Variants in DAGLB observed in about 807,000 individuals in gnomAD.
The protein encoded by DAGLB is diacylglycerol lipase-beta.
In DAGLB, 66 loss-of-function variants were observed where a neutral mutation model predicts 72.1. That is an observed-to-expected ratio of 0.92 (90% CI 0.75 to 1.12). The LOEUF is 1.12. Among genes scored for constraint, DAGLB ranks in the 50% most tolerant of loss-of-function variants. The pLI is 0.00. For synonymous variants in DAGLB, 414 were observed against 359.5 expected (o/e 1.15, Z -1.71); for missense variants, 1,065 against 884.9 (o/e 1.20, Z -2.58).
Position 6,416,682 on chromosome 7 carries a change from C to T in DAGLB, c.1372G>A (p.Ala458Thr). ...AAALLATMLR[A>T]AYPQVRCYAF... Reference sequence around the variant, plus strand: ...TAGCACCTGACCTGCGGGTAGGCGGCTCTGAGCATGGTGGCCAGCAGGGCG... The same window carrying T: ...TAGCACCTGACCTGCGGGTAGGCGGTTCTGAGCATGGTGGCCAGCAGGGCG... The change falls in exon 11 of 15, where the codon GCC becomes ACC. Residue 458 changes from alanine (A) to threonine (T), a missense_variant. By Grantham distance (58) the Ala-to-Thr change is moderately conservative. Transcript: ENST00000297056. 1.2e-6 allele frequency: 2 copies of T among 1,613,802 alleles called. No homozygotes were observed. The highest frequency in any genetic ancestry group is 1.7e-6 in the Non-Finnish European group (2 of 1,179,894).
chr7:6,429,441 G>A (rs1458877304), intron 6 of DAGLB, among the ~76,000 whole-genome samples: 2 of 151,558 alleles, frequency 1.3e-5, no homozygotes, highest in South Asian at 2.1e-4. Context: ...GCATCATCCT[G>A]GATTGGAGAA....
intron 2 of DAGLB, among the ~76,000 whole-genome samples, chr7:6,440,645 C>T (rs770176572): frequency 1.3e-5 from 2 of 152,128 alleles, no homozygotes; most frequent in African/African-American, 2.4e-5. Flanking sequence ...GCCTGTAATC[C>T]CAACACTTTG....
At position 6,412,998 on chromosome 7, in the gene DAGLB, C is replaced by CA; in HGVS notation, c.1463dup (p.Ser489ValfsTer33). ...TCACATCCTTCCCCAGGACGAGTGACACGATGAAGCTCTGAGAATATTCCT... is the reference window on the plus strand; with the variant it reads ...TCACATCCTTCCCCAGGACGAGTGACAACGATGAAGCTCTGAGAATATTCCT... On this transcript the variant is annotated frameshift_variant, in exon 12 of 15. Coordinates refer to ENST00000297056, the MANE Select transcript of DAGLB (RefSeq NM_139179.4). LOFTEE classifies it high-confidence loss of function. 1.2e-6 allele frequency: 2 copies of CA among 1,613,940 alleles called. No homozygotes were observed. Among genetic ancestry groups the CA allele is most frequent in the African/African-American group, 1.3e-5 (1 of 75,050 alleles).
At chr7:6,414,034 G>A (rs1173058873) in intron 11 of DAGLB, among the ~76,000 whole-genome samples, 1 of 152,148 alleles carries the variant, frequency 6.6e-6, no homozygotes, top group Non-Finnish European at 1.5e-5. Context: ...TTTTTGAGAT[G>A]GAGTCTCGCT....
At chr7:6,436,678 A>C in intron 2 of DAGLB, 145 bp from the exon 3 acceptor site, 1 of 945,874 alleles carries the variant, frequency 1.1e-6, no homozygotes, top group South Asian at 1.6e-5. Context: ...ATTGGTAATC[A>C]GCACCTAAGT....
At chr7:6,422,293 C>T (rs1038458718) in intron 8 of DAGLB, 8 of 278,708 alleles carry the variant, frequency 2.9e-5, no homozygotes, top group African/African-American at 8.8e-5. Flanking sequence ...CAGCCAGACC[C>T]GAAGGAAGAG....
rs901676472 is a variant in DAGLB, at chr7:6,422,514, A to C, written c.1141-710T>G. 3 of 155,842 alleles carry C rather than the reference A, an allele frequency of 1.9e-5. No individual in the cohort carries two copies. In the South Asian group the frequency reaches 5.8e-4, roughly 30 times the overall value. 9.7% of individuals were successfully genotyped at this position (155,842 alleles called of 1,614,324 possible). On this transcript the variant is annotated intron_variant, in intron 8 of 14. Coordinates refer to ENST00000297056, the MANE Select transcript of DAGLB (RefSeq NM_139179.4). ...GCTGGGTAAAGCACCCAGAGCTGTG[A>C]TAAGAAACACAAACTTGATGTTAAA...
Position 6,447,945 on chromosome 7 carries a change from G to C in DAGLB, c.-103C>G, listed in dbSNP as rs575878490. On this transcript the variant is annotated 5_prime_UTR_variant, in exon 1 of 15. Transcript: ENST00000297056. ...CCGCCACCAAATTATCGGCGCTCAAGCGCAAACGCAGCGAGGGCGGGGACC... is the reference window on the plus strand; with the variant it reads ...CCGCCACCAAATTATCGGCGCTCAACCGCAAACGCAGCGAGGGCGGGGACC... 1.4e-6 allele frequency: 2 copies of C among 1,457,474 alleles called. No homozygotes were observed. Among genetic ancestry groups the C allele is most frequent in the Middle Eastern group, 1.8e-4 (1 of 5,580 alleles). 90.3% of individuals were successfully genotyped at this position (1,457,474 alleles called of 1,614,324 possible).
Position 6,434,971 on chromosome 7 carries a change from G to T in DAGLB, c.469C>A (p.Pro157Thr), listed in dbSNP as rs747733355. Reference sequence around the variant, plus strand: ...TATGGAGCCATTTTCCCCCCAAGAGGGTCAAAGACAATGATAATGGAAACC... The same window carrying T: ...TATGGAGCCATTTTCCCCCCAAGAGTGTCAAAGACAATGATAATGGAAACC... ...TVVSIIIVFDPLGGKMAPYSS... is the reference protein window; with the variant it reads ...TVVSIIIVFDTLGGKMAPYSS... The change falls in exon 4 of 15, where the codon CCT (proline) becomes ACT (threonine). Residue 157 changes from proline to threonine, a missense_variant. Transcript: ENST00000297056. 1.5e-5 allele frequency: 24 copies of T among 1,613,930 alleles called. 1 individual carries two copies. In the South Asian group the frequency reaches 2.2e-4, roughly 15 times the overall value.
chr7:6,423,856 G>C (rs1183139465), intron 8 of DAGLB, among the ~76,000 whole-genome samples: 2 of 152,112 alleles, frequency 1.3e-5, no homozygotes, highest in African/African-American at 4.8e-5. Flanking sequence ...CAAAGTGCTG[G>C]GATTACAGGC....
intron 2 of DAGLB, among the ~76,000 whole-genome samples, chr7:6,445,511 CTCTT>C (rs1784970618): frequency 6.6e-6 from 1 of 152,152 alleles, no homozygotes; most frequent in African/African-American, 2.4e-5. Flanking sequence ...GGTATGGGAT[CTCTT>C]TCTTTCCGTT....
At chr7:6,444,405 A>G (rs1032354611) in intron 2 of DAGLB, among the ~76,000 whole-genome samples, 2 of 152,086 alleles carry the variant, frequency 1.3e-5, no homozygotes, top group African/African-American at 4.8e-5. Flanking sequence ...AGATCGAGAC[A>G]AGCCTGACCA....
At chr7:6,426,594 C>T (rs1485634475) in intron 6 of DAGLB, among the ~76,000 whole-genome samples, 1 of 152,166 alleles carries the variant, frequency 6.6e-6, no homozygotes, top group Non-Finnish European at 1.5e-5. Context: ...AAAGATAATA[C>T]CTCTCTGTGT....
intron 5 of DAGLB, among the ~76,000 whole-genome samples, chr7:6,432,032 C>T (rs1784501394): frequency 6.6e-6 from 1 of 151,990 alleles, no homozygotes; most frequent in Non-Finnish European, 1.5e-5. Context: ...CTCATGTACC[C>T]CTGAACCTAA....
At chr7:6,414,961 G>C (rs922888732) in intron 11 of DAGLB, among the ~76,000 whole-genome samples, 2 of 152,070 alleles carry the variant, frequency 1.3e-5, no homozygotes, top group African/African-American at 4.8e-5. Context: ...TTGAGCCCAG[G>C]AGTTCAAGAC....
chr7:6,436,965 C>T (rs1037927446), intron 2 of DAGLB, among the ~76,000 whole-genome samples: 8 of 151,884 alleles, frequency 5.3e-5, no homozygotes, highest in Non-Finnish European at 1.0e-4. Flanking sequence ...GCCTGGCCAA[C>T]ATGGTGAAAC....
intron 2 of DAGLB, among the ~76,000 whole-genome samples, chr7:6,439,323 T>C (rs993187410): frequency 6.6e-6 from 1 of 150,464 alleles, no homozygotes; most frequent in African/African-American, 2.4e-5. Context: ...GAAAAACAGA[T>C]GCTAGTATGG....
chr7:6,416,979 A>G, intron 9 of DAGLB, 58 bp from the exon 10 acceptor site: 1 of 1,583,730 alleles, frequency 6.3e-7, no homozygotes, highest in Non-Finnish European at 8.7e-7. Context: ...GGCCCAGCAG[A>G]GACTCAAAGA....
intron 7 of DAGLB, among the ~76,000 whole-genome samples, chr7:6,425,645 T>C (rs1299104407): frequency 6.6e-6 from 1 of 152,104 alleles, no homozygotes; most frequent in Non-Finnish European, 1.5e-5. Context: ...ACTACACTAC[T>C]GATGGCACTC....
Sources: allele counts gnomAD v4.1 joint callset (sites outside exome capture counted in the v4.1 genomes callset), GRCh38; gene constraint gnomAD v4.1.1; transcripts MANE v1.5; gene names NCBI Gene and HGNC (gene_info 2026-07-23, HGNC 2026-07-21).